The following CCDC178 variants were observed in gnomAD, a reference collection of about 807,000 sequenced individuals.
CCDC178 encodes coiled-coil domain containing 178, also known as coiled-coil domain-containing protein 178.
CCDC178 carries 126 observed loss-of-function variants against 117.4 expected under a neutral mutation model. The observed-to-expected ratio is 1.07, with a 90% CI of 0.93 to 1.24. The LOEUF is 1.24. CCDC178 is among the 50% of genes most tolerant of loss of function. CCDC178 has a pLI of 0.00. For missense variants in CCDC178, 1,030 were observed against 986.9 expected (o/e 1.04, Z -0.59); for synonymous variants, 283 against 313.4 (o/e 0.90, Z 1.02).
At chr18:33,059,546 C>A (rs1315701639) in intron 21 of CCDC178, among the ~76,000 whole-genome samples, 3 of 152,228 alleles carry the variant, frequency 2.0e-5, no homozygotes, top group Non-Finnish European at 4.4e-5. Context: ...AAAGGTCATA[C>A]AAATATGGTG....
chr18:33,061,894 A>G (rs1018952390), intron 21 of CCDC178, among the ~76,000 whole-genome samples: 2 of 152,168 alleles, frequency 1.3e-5, no homozygotes, highest in African/African-American at 4.8e-5. Flanking sequence ...TCAGATATCA[A>G]TGGGGGATTT....
intron 11 of CCDC178, among the ~76,000 whole-genome samples, chr18:33,322,280 A>G (rs2062522052): frequency 6.6e-6 from 1 of 151,978 alleles, no homozygotes; most frequent in Non-Finnish European, 1.5e-5. Flanking sequence ...AAAAGTGCAG[A>G]TTCTCATTTA....
intron 5 of CCDC178, among the ~76,000 whole-genome samples, chr18:33,374,686 T>C (rs1419019641): frequency 6.6e-6 from 1 of 152,122 alleles, no homozygotes; most frequent in Admixed American, 6.6e-5. Flanking sequence ...TGAATGTTCA[T>C]AATAGCTTTC....
intron 11 of CCDC178, among the ~76,000 whole-genome samples, chr18:33,295,369 T>A (rs1327322502): frequency 6.6e-6 from 1 of 152,076 alleles, no homozygotes; most frequent in East Asian, 1.9e-4. Flanking sequence ...CAAATTTCTT[T>A]GTGACAGGAT....
At chr18:33,049,370 A>G (rs1372115513) in intron 21 of CCDC178, among the ~76,000 whole-genome samples, 1 of 152,156 alleles carries the variant, frequency 6.6e-6, no homozygotes, top group Non-Finnish European at 1.5e-5. Flanking sequence ...TACCAAACAC[A>G]TGGACAAATA....
At chr18:33,301,737 G>A (rs983390396) in intron 11 of CCDC178, among the ~76,000 whole-genome samples, 2 of 152,116 alleles carry the variant, frequency 1.3e-5, no homozygotes, top group African/African-American at 4.8e-5. Context: ...CTCTCTTTTG[G>A]AATAGTAATG....
At chr18:33,055,964 G>A (rs2056823212) in intron 21 of CCDC178, among the ~76,000 whole-genome samples, 2 of 151,966 alleles carry the variant, frequency 1.3e-5, no homozygotes, top group Non-Finnish European at 2.9e-5. Flanking sequence ...TACCATGCAT[G>A]GCTCATTTTT....
At chr18:33,044,720 T>C (rs1190462450) in intron 21 of CCDC178, among the ~76,000 whole-genome samples, 1 of 152,192 alleles carries the variant, frequency 6.6e-6, no homozygotes, top group East Asian at 1.9e-4. Context: ...GGTATGTTTA[T>C]TGAAGCACTA....
At chr18:33,233,240 T>C (rs1164967471) in intron 15 of CCDC178, among the ~76,000 whole-genome samples, 2 of 152,140 alleles carry the variant, frequency 1.3e-5, no homozygotes, top group African/African-American at 2.4e-5. Flanking sequence ...TTATGAATGT[T>C]AGGTTTTTTA....
chr18:32,969,331 AT>A (rs756607810), intron 22 of CCDC178, among the ~76,000 whole-genome samples: 2 of 152,056 alleles, frequency 1.3e-5, no homozygotes, highest in Non-Finnish European at 2.9e-5. Flanking sequence ...CCCCCAGTCC[AT>A]TTGCTTCCCC....
chr18:33,427,106 T>C (rs979180390), intron 2 of CCDC178, among the ~76,000 whole-genome samples: 1 of 152,096 alleles, frequency 6.6e-6, no homozygotes, highest in Non-Finnish European at 1.5e-5. Context: ...GTTTTCAAGA[T>C]GCAGTCACTA....
intron 20 of CCDC178, among the ~76,000 whole-genome samples, chr18:33,162,886 A>T (rs1329237818): frequency 6.6e-6 from 1 of 152,140 alleles, no homozygotes; most frequent in Non-Finnish European, 1.5e-5. Flanking sequence ...ATAGTGCTGC[A>T]ATGAATGTTC....
At chr18:33,249,197 T>G (rs150051346) in intron 14 of CCDC178, among the ~76,000 whole-genome samples, 7,285 of 152,198 alleles carry the variant, frequency 0.048, 226 homozygotes, top group East Asian at 0.12. Flanking sequence ...ATTGCAAAAA[T>G]TTTCTCCCAT....
At chr18:33,338,398 A>T (rs1277241768) in intron 9 of CCDC178, among the ~76,000 whole-genome samples, 2 of 152,204 alleles carry the variant, frequency 1.3e-5, no homozygotes, top group Non-Finnish European at 2.9e-5. Flanking sequence ...CAATCCCATT[A>T]CTAGGTATCT....
chr18:33,198,689 A>G (rs2058961187), intron 20 of CCDC178, among the ~76,000 whole-genome samples: 1 of 152,154 alleles, frequency 6.6e-6, no homozygotes, highest in Admixed American at 6.5e-5. Flanking sequence ...ATAACTTAAT[A>G]TTTTGTCGAT....
At chr18:32,955,358 G>A (rs1003307189) in intron 22 of CCDC178, among the ~76,000 whole-genome samples, 1 of 152,128 alleles carries the variant, frequency 6.6e-6, no homozygotes, top group Non-Finnish European at 1.5e-5. Context: ...TTTAATTCCA[G>A]TAATGTGTAG....
chr18:33,068,188 C>G (rs2057050673), intron 21 of CCDC178, among the ~76,000 whole-genome samples: 1 of 152,096 alleles, frequency 6.6e-6, no homozygotes, highest in South Asian at 2.1e-4. Context: ...AGTCTTTCAA[C>G]AAAGAAAAGC....
chr18:33,241,429 CGTGTGTGTGTGTGTGTGT>C (rs60878431), intron 15 of CCDC178, among the ~76,000 whole-genome samples: 3 of 144,916 alleles, frequency 2.1e-5, no homozygotes, highest in East Asian at 2.0e-4. Flanking sequence ...ATTATATGAT[CGTGTGTGTGTGTGTGTGT>C]GTGTGTGTGT....
intron 1 of CCDC178, among the ~76,000 whole-genome samples, chr18:33,440,316 T>C (rs1037324319): frequency 2.1e-3 from 4 of 1,894 alleles, no homozygotes; most frequent in Non-Finnish European, 4.8e-3. Flanking sequence ...ACTGGGGGAC[T>C]GGGGGACTGG....
Sources: allele counts gnomAD v4.1 joint callset (sites outside exome capture counted in the v4.1 genomes callset), GRCh38; gene constraint gnomAD v4.1.1; transcripts MANE v1.5; gene names NCBI Gene and HGNC (gene_info 2026-07-23, HGNC 2026-07-21).